The following AK9 variants were observed in gnomAD, a reference collection of about 807,000 sequenced individuals.
AK9 encodes adenylate kinase 9, also known as adenylate kinase domain containing 1.
In AK9, 191 loss-of-function variants were observed where a neutral mutation model predicts 239.6. The ratio of observed to expected loss-of-function variants is 0.80; its 90% CI spans 0.71 to 0.90. AK9 has a LOEUF of 0.90. AK9 is among the 40% of genes least tolerant of loss of function. The probability of loss-of-function intolerance (pLI) is 0.00; values close to 1 mark genes in which losing one functional copy is unlikely to be tolerated. For missense variants in AK9, 1,995 were observed against 2,214.7 expected, an observed-to-expected ratio of 0.90 and a Z score of 1.99; for synonymous variants, 689 against 721.0, an observed-to-expected ratio of 0.96 and a Z score of 0.71.
intron 17 of AK9, among the ~76,000 whole-genome samples, chr6:109,588,830 G>T (rs548538987): frequency 6.6e-6 from 1 of 152,138 alleles, no homozygotes; most frequent in Non-Finnish European, 1.5e-5. Context: ...TATTGAATGG[G>T]TGTCCTTTCC....
chr6:109,638,833 G>C (rs964113420), intron 10 of AK9, among the ~76,000 whole-genome samples: 24 of 152,174 alleles, frequency 1.6e-4, no homozygotes, highest in African/African-American at 5.5e-4. Context: ...CATGTTGTGT[G>C]ATGTTCCCCG....
intron 27 of AK9, among the ~76,000 whole-genome samples, chr6:109,534,291 A>G (rs1781677493): frequency 6.7e-6 from 1 of 149,660 alleles, no homozygotes; most frequent in Admixed American, 6.7e-5. Flanking sequence ...ATTTTAATTT[A>G]TTTTATTTTA....
At chr6:109,665,505 C>A (rs1201116206) in intron 5 of AK9, among the ~76,000 whole-genome samples, 1 of 152,172 alleles carries the variant, frequency 6.6e-6, no homozygotes, top group East Asian at 1.9e-4. Flanking sequence ...CCACACCACC[C>A]TCATTTGGTT....
intron 21 of AK9, among the ~76,000 whole-genome samples, chr6:109,571,864 A>G (rs1787452638): frequency 6.6e-6 from 1 of 152,172 alleles, no homozygotes; most frequent in East Asian, 1.9e-4. Context: ...ATAATTGACA[A>G]AACTTATTTT....
intron 1 of AK9, among the ~76,000 whole-genome samples, chr6:109,686,381 C>T (rs1157359353): frequency 2.6e-5 from 4 of 152,198 alleles, no homozygotes; most frequent in African/African-American, 7.2e-5. Context: ...GTACCTTGTA[C>T]CTTCAACCTC....
chr6:109,556,561 G>C (rs1785033467), intron 24 of AK9, among the ~76,000 whole-genome samples: 1 of 152,164 alleles, frequency 6.6e-6, no homozygotes, highest in Non-Finnish European at 1.5e-5. Flanking sequence ...TTTCTTGCTA[G>C]ATTGAGGAAG....
chr6:109,515,960 C>G lies in AK9; in HGVS notation c.3962G>C (p.Ser1321Thr), dbSNP rs775532648. ...TATTGGATGACATTTCTCAAAAATG[C>G]TTGCACGATTTTCCACCAGTGGTTT... is the stretch of plus-strand genomic sequence containing the variant. ...KLKPLVENRASIFEKCHPIPA... is the reference protein window; with the variant it reads ...KLKPLVENRATIFEKCHPIPA... Residue 1321 changes from serine (S) to threonine (T), a missense_variant, in exon 31 of 41, where the codon AGC becomes ACC. By Grantham distance (58) the Ser-to-Thr change is moderately conservative (BLOSUM62 1). Transcript: ENST00000424296. 18 of 1,551,504 alleles carry G rather than the reference C, an allele frequency of 1.2e-5. No individual in the cohort carries two copies. The highest frequency in any genetic ancestry group is 5.2e-6 in the Non-Finnish European group (6 of 1,146,880).
At chr6:109,589,553 C>T (rs1271260436) in intron 17 of AK9, among the ~76,000 whole-genome samples, 1 of 152,066 alleles carries the variant, frequency 6.6e-6, no homozygotes, top group Non-Finnish European at 1.5e-5. Context: ...AATTTGGATG[C>T]CTTTTATTTC....
chr6:109,497,415 T>C, intron 38 of AK9, 50 bp downstream of exon 38: 1 of 1,205,204 alleles, frequency 8.3e-7, no homozygotes, highest in Non-Finnish European at 1.2e-6. Flanking sequence ...TCCCAGCATG[T>C]TGCATGCAAC....
intron 3 of AK9, among the ~76,000 whole-genome samples, chr6:109,673,409 A>C (rs1472866689): frequency 2.0e-5 from 3 of 152,142 alleles, no homozygotes; most frequent in Non-Finnish European, 4.4e-5. Flanking sequence ...ATTTCTTAGA[A>C]TGATGTTAAA....
At chr6:109,604,030 G>C (rs1207002249) in intron 17 of AK9, among the ~76,000 whole-genome samples, 1 of 152,150 alleles carries the variant, frequency 6.6e-6, no homozygotes, top group African/African-American at 2.4e-5. Context: ...CAGGTGAGGT[G>C]ATGCTTCACC....
At chr6:109,669,156 C>A (rs1434412606) in intron 5 of AK9, among the ~76,000 whole-genome samples, 2 of 151,780 alleles carry the variant, frequency 1.3e-5, no homozygotes, top group African/African-American at 4.8e-5. Flanking sequence ...CTCTTCGAAG[C>A]AATTGTGAAT....
chr6:109,564,396 T>G, intron 22 of AK9, 116 bp from the exon 23 acceptor site: 1 of 718,888 alleles, frequency 1.4e-6, no homozygotes, highest in Non-Finnish European at 2.2e-6. Context: ...AAAATAATAT[T>G]CTAAGCAACA....
intron 17 of AK9, among the ~76,000 whole-genome samples, chr6:109,591,516 G>A (rs1254257421): frequency 6.6e-6 from 1 of 152,038 alleles, no homozygotes; most frequent in East Asian, 1.9e-4. Context: ...GCCCATTTAT[G>A]TTTAATGTTA....
intron 15 of AK9, among the ~76,000 whole-genome samples, chr6:109,613,874 TTAAAG>T (rs1793857715): frequency 2.0e-5 from 3 of 152,072 alleles, no homozygotes; most frequent in African/African-American, 7.2e-5. Context: ...TTCCAATACG[TTAAAG>T]TAGAGAGCTT....
intron 17 of AK9, among the ~76,000 whole-genome samples, chr6:109,597,662 G>C (rs1791231600): frequency 7.3e-6 from 1 of 136,998 alleles, no homozygotes; most frequent in Admixed American, 7.9e-5. Flanking sequence ...GACAGAGAGA[G>C]ACACCGTCTC....
intron 29 of AK9, among the ~76,000 whole-genome samples, chr6:109,517,044 G>T (rs1442093487): frequency 6.6e-6 from 1 of 152,134 alleles, no homozygotes; most frequent in African/African-American, 2.4e-5. Flanking sequence ...GTCTTTGGAT[G>T]ATGGCTTTCT....
chr6:109,595,379 AG>A (rs1157873817), intron 17 of AK9, among the ~76,000 whole-genome samples: 1 of 152,246 alleles, frequency 6.6e-6, no homozygotes, highest in African/African-American at 2.4e-5. Flanking sequence ...ATGGAGAAGT[AG>A]GAACACTTTT....
intron 17 of AK9, among the ~76,000 whole-genome samples, chr6:109,605,660 G>A (rs1792758577): frequency 6.6e-6 from 1 of 152,142 alleles, no homozygotes; most frequent in African/African-American, 2.4e-5. Context: ...CAGGAAAAGA[G>A]GTGGCTTGAA....
Sources: allele counts gnomAD v4.1 joint callset (sites outside exome capture counted in the v4.1 genomes callset), GRCh38; gene constraint gnomAD v4.1.1; transcripts MANE v1.5; gene names NCBI Gene and HGNC (gene_info 2026-07-23, HGNC 2026-07-21).